Variants in MOB3B observed in about 807,000 individuals in gnomAD.
MOB3B encodes MOB kinase activator 3B.
In MOB3B, 7 loss-of-function variants were observed where a neutral mutation model predicts 18.7. The ratio of observed to expected loss-of-function variants is 0.37; its 90% CI spans 0.21 to 0.70. The LOEUF (loss-of-function observed/expected upper bound fraction) is 0.70. Ranked by LOEUF, MOB3B falls within the 30% of genes least tolerant of loss-of-function variation. MOB3B has a pLI of 0.52. For missense variants in MOB3B, 253 were observed against 281.3 expected (o/e 0.90, Z 0.72); for synonymous variants, 111 against 99.9 (o/e 1.11, Z -0.66).
rs188596187 is a variant in MOB3B, at chr9:27,413,653, T to C, written c.418+41480A>G. ...GTGTTCCAGTATTCCAGTTGAGACA[T>C]GATTACAGAAATGACAGTGAAGAGA... On this transcript the variant is annotated intron_variant, in intron 2 of 3. Coordinates refer to ENST00000262244, the MANE Select transcript of MOB3B (RefSeq NM_024761.5). Among the ~76,000 whole-genome samples the C allele has an allele frequency of 1.8e-3, 278 of 152,248 alleles. 1 individual carries two copies. The highest frequency in any genetic ancestry group is 6.5e-3 in the African/African-American group (272 of 41,538).
rs142725705 is a variant in MOB3B, at chr9:27,327,223, G to A, written c.*3364C>T. 22 of 152,272 alleles carry A rather than the reference G, an allele frequency of 1.4e-4. No individual in the cohort carries two copies. The highest frequency in any genetic ancestry group is 5.1e-4 in the African/African-American group (21 of 41,556). 9.4% of individuals were successfully genotyped at this position (152,272 alleles called of 1,614,324 possible). ...GGCCTCCTTGAGAACATTAAGGGATGAATGTACGTATGCACAGCCTCACAC... is the reference window on the plus strand; with the variant it reads ...GGCCTCCTTGAGAACATTAAGGGATAAATGTACGTATGCACAGCCTCACAC... On this transcript the variant is annotated 3_prime_UTR_variant, in exon 4 of 4. Coordinates refer to ENST00000262244, the MANE Select transcript of MOB3B (RefSeq NM_024761.5).
At chr9:27,358,901 C>T in intron 3 of MOB3B, 133 bp downstream of exon 3, 1 of 924,856 alleles carries the variant, frequency 1.1e-6, no homozygotes, top group South Asian at 1.3e-5. Context: ...ACCACTAAAC[C>T]CCATTCAATT....
At chr9:27,426,995 G>A (rs183926233) in intron 2 of MOB3B, among the ~76,000 whole-genome samples, 1 of 152,202 alleles carries the variant, frequency 6.6e-6, no homozygotes, top group Non-Finnish European at 1.5e-5. Flanking sequence ...ATTATTCTAG[G>A]TGCCAATTTA....
intron 2 of MOB3B, among the ~76,000 whole-genome samples, chr9:27,453,975 A>G (rs548094682): frequency 6.6e-6 from 1 of 152,204 alleles, no homozygotes; most frequent in Admixed American, 6.5e-5. Context: ...CCTGACATAC[A>G]ACCTACCTCC....
chr9:27,475,584 C>G (rs551207604), intron 1 of MOB3B, among the ~76,000 whole-genome samples: 1 of 152,284 alleles, frequency 6.6e-6, no homozygotes, highest in Admixed American at 6.5e-5. Flanking sequence ...GTCAATATAT[C>G]TGTATTGATA....
chr9:27,381,253 G>A (rs1587169194), intron 2 of MOB3B, among the ~76,000 whole-genome samples: 1 of 151,848 alleles, frequency 6.6e-6, no homozygotes, highest in African/African-American at 2.4e-5. Flanking sequence ...TAATTTCTAA[G>A]GTGCCTTCTG....
chr9:27,367,581 T>C (rs1821357508), intron 2 of MOB3B, among the ~76,000 whole-genome samples: 1 of 152,136 alleles, frequency 6.6e-6, no homozygotes, highest in African/African-American at 2.4e-5. Flanking sequence ...ATGGTGATAA[T>C]AATACCTAGC....
intron 2 of MOB3B, among the ~76,000 whole-genome samples, chr9:27,390,543 T>C (rs984340568): frequency 2.6e-5 from 4 of 152,186 alleles, no homozygotes; most frequent in African/African-American, 7.2e-5. Context: ...TGCTAACATT[T>C]CATAAGCTTT....
intron 2 of MOB3B, among the ~76,000 whole-genome samples, chr9:27,382,286 G>T (rs1178938091): frequency 6.6e-6 from 1 of 152,154 alleles, no homozygotes; most frequent in Admixed American, 6.5e-5. Context: ...AAGACACCCA[G>T]CTGTGTGGAA....
At chr9:27,525,185 G>A (rs1487958505) in intron 1 of MOB3B, among the ~76,000 whole-genome samples, 1 of 152,126 alleles carries the variant, frequency 6.6e-6, no homozygotes. Context: ...ATTTTTAAAG[G>A]AATAAGATTC....
intron 2 of MOB3B, among the ~76,000 whole-genome samples, chr9:27,417,997 C>A (rs1014357315): frequency 7.1e-6 from 1 of 140,778 alleles, no homozygotes; most frequent in Admixed American, 7.8e-5. Context: ...GAGGCTGAGG[C>A]AGGAGAATAG....
chr9:27,342,196 GCCAATACCATGA>G (rs1321838745), intron 3 of MOB3B, among the ~76,000 whole-genome samples: 2 of 152,148 alleles, frequency 1.3e-5, no homozygotes, highest in Non-Finnish European at 2.9e-5. Flanking sequence ...GTCGCACCAT[GCCAATACCATGA>G]CCAGTGAGAC....
chr9:27,404,000 G>A (rs1380232082), intron 2 of MOB3B, among the ~76,000 whole-genome samples: 1 of 151,738 alleles, frequency 6.6e-6, no homozygotes, highest in Non-Finnish European at 1.5e-5. Flanking sequence ...AACTATAGTC[G>A]CTCTATTGTG....
chr9:27,467,013 A>C (rs1819394617), intron 1 of MOB3B, among the ~76,000 whole-genome samples: 1 of 152,134 alleles, frequency 6.6e-6, no homozygotes, highest in Admixed American at 6.5e-5. Context: ...ATGATTTCTC[A>C]TTTTTCTACA....
chr9:27,437,849 A>C (rs1822535820), intron 2 of MOB3B, among the ~76,000 whole-genome samples: 2 of 152,236 alleles, frequency 1.3e-5, no homozygotes, highest in Non-Finnish European at 2.9e-5. Flanking sequence ...TTTAGGCTGG[A>C]AACTTCTTCT....
chr9:27,518,670 C>G (rs1306037487), intron 1 of MOB3B, among the ~76,000 whole-genome samples: 2 of 152,070 alleles, frequency 1.3e-5, no homozygotes, highest in Non-Finnish European at 2.9e-5. Context: ...GAAAAGACAA[C>G]TGGATATTAG....
In MOB3B at chr9:27,328,927, G is replaced by T. The variant is rs1820749514; in HGVS notation, c.*1660C>A. On this transcript the variant is annotated 3_prime_UTR_variant, in exon 4 of 4. Transcript: ENST00000262244. Reference sequence around the variant, plus strand: ...TTGTTGACCAGGGCACAGCAACATGGTGAGGTAGCAGCAATTGGATTCCGT... The same window carrying T: ...TTGTTGACCAGGGCACAGCAACATGTTGAGGTAGCAGCAATTGGATTCCGT... 6.6e-6 allele frequency: 1 copy of T among 152,610 alleles called. No individual in the cohort carries two copies. Among genetic ancestry groups the T allele is most frequent in the East Asian group, 1.9e-4 (1 of 5,196 alleles). The allele number at this position is 152,610 out of a possible 1,614,324, so 9.5% of individuals were successfully genotyped here.
intron 2 of MOB3B, among the ~76,000 whole-genome samples, chr9:27,429,513 T>C (rs1007759116): frequency 1.1e-4 from 17 of 151,988 alleles, no homozygotes; most frequent in Non-Finnish European, 1.9e-4. Context: ...AAGAGAAAAA[T>C]AGATTCTAAA....
chr9:27,518,911 T>C (rs1820282142), intron 1 of MOB3B, among the ~76,000 whole-genome samples: 1 of 152,174 alleles, frequency 6.6e-6, no homozygotes, highest in African/African-American at 2.4e-5. Context: ...GATACAAAAC[T>C]AAGAAAGACA....
Sources: allele counts gnomAD v4.1 joint callset (sites outside exome capture counted in the v4.1 genomes callset), GRCh38; gene constraint gnomAD v4.1.1; transcripts MANE v1.5; gene names NCBI Gene and HGNC (gene_info 2026-07-23, HGNC 2026-07-21).